The following VPS35 variants were observed in gnomAD, a reference collection of about 807,000 sequenced individuals.
VPS35 encodes the protein vacuolar protein sorting-associated protein 35.
Under a neutral mutation model 98.1 loss-of-function variants are expected in VPS35, and 21 were observed. The ratio of observed to expected loss-of-function variants is 0.21; its 90% CI spans 0.15 to 0.31. VPS35 has a LOEUF of 0.31. Ranked by LOEUF, VPS35 falls within the 10% of genes least tolerant of loss-of-function variation. VPS35 has a pLI of 1.00. For synonymous variants in VPS35, 268 were observed against 318.2 expected (o/e 0.84, Z 1.68); for missense variants, 554 against 950.8 (o/e 0.58, Z 5.49).
intron 1 of VPS35, among the ~76,000 whole-genome samples, chr16:46,683,945 C>T (rs1207039268): frequency 6.6e-6 from 1 of 152,166 alleles, no homozygotes; most frequent in Non-Finnish European, 1.5e-5. Flanking sequence ...CCAGGATAGT[C>T]TCCATCTCCT....
chr16:46,679,933 G>A (rs1596722862), intron 5 of VPS35, among the ~76,000 whole-genome samples: 1 of 151,068 alleles, frequency 6.6e-6, no homozygotes, highest in Non-Finnish European at 1.5e-5. Context: ...AGAAATAAAT[G>A]AAAATATTAA....
Position 46,658,383 on chromosome 16 carries a change from T to C in VPS35, c.*2089A>G, listed in dbSNP as rs752584142. Reference sequence around the variant, plus strand: ...TGATCTTCTTCACCTTTAGATTCAGTGCCTAACTATATCTGGTACCCAGTT... The same window carrying C: ...TGATCTTCTTCACCTTTAGATTCAGCGCCTAACTATATCTGGTACCCAGTT... On this transcript the variant is annotated 3_prime_UTR_variant, in exon 17 of 17. Transcript: ENST00000299138. 1.3e-5 allele frequency: 2 copies of C among 153,768 alleles called. No homozygotes were observed. The highest frequency in any genetic ancestry group is 2.9e-5 in the Non-Finnish European group (2 of 68,042). 9.5% of individuals were successfully genotyped at this position (153,768 alleles called of 1,614,324 possible). A position where few individuals can be genotyped will look rare whatever the true frequency, so the allele number is the denominator to read the frequency against.
chr16:46,682,528 C>G, intron 2 of VPS35: 1 of 260,286 alleles, frequency 3.8e-6, no homozygotes, highest in Non-Finnish European at 7.6e-6. Context: ...AGATACTATC[C>G]TGACATGGCT....
chr16:46,689,086 TACAAGGAGGGTCGACCCAGGTGCC>T, intron 1 of VPS35, 21 bp downstream of exon 1: 11 of 1,600,606 alleles, frequency 6.9e-6, no homozygotes, highest in Non-Finnish European at 9.4e-6. Context: ...GAGCAGGGGC[TACAAGGAGGGTCGACCCAGGTGCC>T]ACTGCCCCCT....
At chr16:46,678,844 T>G (rs966118967) in intron 6 of VPS35, 99 bp downstream of exon 6, 22 of 1,260,996 alleles carry the variant, frequency 1.7e-5, no homozygotes, top group Non-Finnish European at 2.5e-5. Context: ...TTTTAAGATG[T>G]TTTTCAATGT....
At chr16:46,688,405 G>C in intron 1 of VPS35, 4 of 987,016 alleles carry the variant, frequency 4.1e-6, no homozygotes, top group Non-Finnish European at 4.8e-6. Flanking sequence ...CGTCATAGAC[G>C]GGCCCTAAGG....
intron 3 of VPS35, 33 bp from the exon 4 acceptor site, chr16:46,681,533 A>C: frequency 6.2e-7 from 1 of 1,610,168 alleles, no homozygotes; most frequent in Non-Finnish European, 8.5e-7. Context: ...AAAAATAAAA[A>C]TAAGCCAACC....
In VPS35 at chr16:46,662,964, A is replaced by C. The variant is rs1181362661; in HGVS notation, c.1827+19T>G. The C allele has an allele frequency of 2.5e-6, 4 of 1,614,114 alleles. No individual in the cohort carries two copies. Among genetic ancestry groups the C allele is most frequent in the Non-Finnish European group, 3.4e-6 (4 of 1,180,018 alleles). ...CCCAGCAGAGCTGACATGACAACGC[A>C]GAAAGAACAGATCATCACCTGGGAC... On this transcript the variant is annotated intron_variant, in intron 14 of 16. Coordinates refer to ENST00000299138, the MANE Select transcript of VPS35 (RefSeq NM_018206.6).
Position 46,661,631 on chromosome 16 carries a change from A to C in VPS35, c.2211+87T>G. 2 of 1,226,106 alleles carry C rather than the reference A, an allele frequency of 1.6e-6. No homozygotes were observed. Among genetic ancestry groups the C allele is most frequent in the Non-Finnish European group, 2.4e-6 (2 of 846,510 alleles). 76.0% of individuals were successfully genotyped at this position (1,226,106 alleles called of 1,614,324 possible). A position where few individuals can be genotyped will look rare whatever the true frequency, so the allele number is the denominator to read the frequency against. On this transcript the variant is annotated intron_variant, in intron 16 of 16. Transcript: ENST00000299138. The surrounding 1 kb of genome is among the most constrained non-coding windows in gnomAD (Gnocchi z 4.3). Reference sequence around the variant, plus strand: ...AAATGAACAGTGATTAAAGTATCAGAATGATAAACTTTTGTACATATCAAA... The same window carrying C: ...AAATGAACAGTGATTAAAGTATCAGCATGATAAACTTTTGTACATATCAAA...
At chr16:46,685,896 T>C (rs1161613993) in intron 1 of VPS35, among the ~76,000 whole-genome samples, 2 of 152,212 alleles carry the variant, frequency 1.3e-5, no homozygotes, top group East Asian at 3.8e-4. Flanking sequence ...AAATGACTTC[T>C]TGTTGTGGTA....
chr16:46,687,401 G>T (rs1282505959), intron 1 of VPS35, among the ~76,000 whole-genome samples: 1 of 152,166 alleles, frequency 6.6e-6, no homozygotes, highest in Admixed American at 6.5e-5. Context: ...ATCCTCTGAT[G>T]GAGCACACTG....
chr16:46,657,321 A>G lies in VPS35; in HGVS notation c.*3151T>C, dbSNP rs1021500895. The G allele has an allele frequency of 6.6e-6, 1 of 152,162 alleles. No homozygotes were observed. The highest frequency in any genetic ancestry group is 6.5e-5 in the Admixed American group (1 of 15,282). 9.4% of individuals were successfully genotyped at this position (152,162 alleles called of 1,614,324 possible). A position where few individuals can be genotyped will look rare whatever the true frequency, so the allele number is the denominator to read the frequency against. On this transcript the variant is annotated 3_prime_UTR_variant, in exon 17 of 17. Transcript: ENST00000299138. ...TTACAATATGCAGTCTGGAATTCCCATTGTCAAAGACAATTCTGTTGGGAA... is the reference window on the plus strand; with the variant it reads ...TTACAATATGCAGTCTGGAATTCCCGTTGTCAAAGACAATTCTGTTGGGAA...
At chr16:46,660,692 C>T in intron 16 of VPS35, 41 bp from the exon 17 acceptor site, 1 of 1,579,448 alleles carries the variant, frequency 6.3e-7, no homozygotes, top group Non-Finnish European at 8.7e-7. Flanking sequence ...AAGCACGTAC[C>T]ACAAAAAATG....
At chr16:46,669,365 G>A (rs1966035595) in intron 12 of VPS35, among the ~76,000 whole-genome samples, 2 of 152,190 alleles carry the variant, frequency 1.3e-5, no homozygotes, top group South Asian at 4.1e-4. Context: ...ATGCTGCACT[G>A]ATAAAGAATG....
At chr16:46,679,674 A>G (rs963887541) in intron 5 of VPS35, among the ~76,000 whole-genome samples, 1 of 152,228 alleles carries the variant, frequency 6.6e-6, no homozygotes. Context: ...AAGCTTTGTG[A>G]GGGAAGAGAC....
intron 5 of VPS35, 132 bp downstream of exon 5, chr16:46,680,539 T>A: frequency 4.2e-6 from 4 of 954,282 alleles, no homozygotes; most frequent in East Asian, 5.3e-5. Flanking sequence ...GAAATCTATA[T>A]ACAAATGCTA....
chr16:46,659,324 C>T lies in VPS35; in HGVS notation c.*1148G>A, dbSNP rs1429974482. On this transcript the variant is annotated 3_prime_UTR_variant, in exon 17 of 17. Coordinates refer to ENST00000299138, the MANE Select transcript of VPS35 (RefSeq NM_018206.6). ...ACACCACACTCTTTGCCAGAACCAC[C>T]AGCTAAGCTGCTCCCAAATTCCTGA... The T allele has an allele frequency of 6.6e-6, 1 of 152,412 alleles. No homozygotes were observed. Among genetic ancestry groups the T allele is most frequent in the Admixed American group, 6.5e-5 (1 of 15,284 alleles). The allele number at this position is 152,412 out of a possible 1,614,324, so 9.4% of individuals were successfully genotyped here.
Position 46,669,704 on chromosome 16 carries a change from G to A in VPS35, c.1525-652C>T, listed in dbSNP as rs545928178. Among the ~76,000 whole-genome samples the A allele has an allele frequency of 1.3e-4, 20 of 150,786 alleles. No individual in the cohort carries two copies. The East Asian group carries it at 3.7e-3, about 28-fold the overall frequency. Reference sequence around the variant, plus strand: ...AAAGAAAAAAGAAAAGAGAAAAAAAGAAGGCTGTGAAGATACTCAGAGACT... The same window carrying A: ...AAAGAAAAAAGAAAAGAGAAAAAAAAAAGGCTGTGAAGATACTCAGAGACT... On this transcript the variant is annotated intron_variant, in intron 12 of 16. Transcript: ENST00000299138.
chr16:46,688,423 C>T, intron 1 of VPS35: 3 of 987,148 alleles, frequency 3.0e-6, no homozygotes, highest in Non-Finnish European at 3.6e-6. Flanking sequence ...AGGAGAAGTA[C>T]TGCTTCCAGC....
Sources: allele counts gnomAD v4.1 joint callset (sites outside exome capture counted in the v4.1 genomes callset), GRCh38; gene constraint gnomAD v4.1.1; non-coding constraint Gnocchi (gnomAD v3.1); transcripts MANE v1.5; gene names NCBI Gene and HGNC (gene_info 2026-07-23, HGNC 2026-07-21).